Variants in HORMAD2 observed in about 807,000 individuals in gnomAD.
HORMAD2 encodes HORMA domain-containing protein 2.
A neutral mutation model predicts 38.8 loss-of-function variants in HORMAD2; 45 were observed. The observed-to-expected ratio is 1.16, with a 90% CI of 0.91 to 1.49. The LOEUF (loss-of-function observed/expected upper bound fraction) is 1.49, where lower values mean the gene tolerates loss of function less well. Ranked by LOEUF, HORMAD2 falls within the 40% of genes most tolerant of loss-of-function variation. The pLI, the probability that HORMAD2 is intolerant of heterozygous loss-of-function variation, is 0.00. For missense variants in HORMAD2, 338 were observed against 367.0 expected, an observed-to-expected ratio of 0.92 and a Z score of 0.65; for synonymous variants, 126 against 122.8, an observed-to-expected ratio of 1.03 and a Z score of -0.17.
the HORMAD2 span, among the ~76,000 whole-genome samples, chr22:30,201,519 G>A: frequency 1.2e-4 from 17 of 147,156 alleles, no homozygotes; most frequent in Middle Eastern, 3.5e-3. Flanking sequence ...CGGGGTTCAC[G>A]CCATTCTCCT....
intron 10 of HORMAD2, among the ~76,000 whole-genome samples, chr22:30,160,480 A>G (rs564952216): frequency 3.9e-5 from 6 of 152,168 alleles, no homozygotes; most frequent in African/African-American, 1.4e-4. Context: ...GAAGAGGGTG[A>G]TATCATGAAT....
chr22:30,191,863 C>G, the HORMAD2 span, among the ~76,000 whole-genome samples: 1 of 151,966 alleles, frequency 6.6e-6, no homozygotes, highest in Admixed American at 6.6e-5. Context: ...GATTAATCAT[C>G]TGTCCATACC....
At chr22:30,120,177 G>A (rs1168860951) in intron 8 of HORMAD2, among the ~76,000 whole-genome samples, 1 of 152,154 alleles carries the variant, frequency 6.6e-6, no homozygotes, top group Non-Finnish European at 1.5e-5. Context: ...AGAAGGTGAT[G>A]CATATTATTA....
the HORMAD2 span, among the ~76,000 whole-genome samples, chr22:30,184,393 G>A: frequency 6.6e-6 from 1 of 152,154 alleles, no homozygotes; most frequent in East Asian, 1.9e-4. Flanking sequence ...AGACAGAACA[G>A]TGAAAATGCT....
chr22:30,144,695 G>A (rs1231824283), intron 10 of HORMAD2, among the ~76,000 whole-genome samples: 2 of 151,518 alleles, frequency 1.3e-5, no homozygotes, highest in Non-Finnish European at 2.9e-5. Context: ...GACCTTACAA[G>A]CCAGGGCAAG....
intron 3 of HORMAD2, 72 bp downstream of exon 3, chr22:30,099,065 C>A: frequency 7.4e-7 from 1 of 1,351,358 alleles, no homozygotes; most frequent in Non-Finnish European, 1.0e-6. Flanking sequence ...AAACCTTTCA[C>A]GTCTCACAAA....
At chr22:30,117,603 G>A (rs1238151077) in intron 7 of HORMAD2, among the ~76,000 whole-genome samples, 1 of 152,022 alleles carries the variant, frequency 6.6e-6, no homozygotes. Context: ...CTGCTTCCTG[G>A]GTTCAAGCGA....
At chr22:30,126,013 C>T (rs1157890294) in intron 10 of HORMAD2, among the ~76,000 whole-genome samples, 1 of 152,172 alleles carries the variant, frequency 6.6e-6, no homozygotes, top group Non-Finnish European at 1.5e-5. Context: ...GAAATCAGCA[C>T]TCAGATCAAG....
intron 1 of HORMAD2, among the ~76,000 whole-genome samples, chr22:30,084,807 A>G (rs988682173): frequency 6.6e-6 from 1 of 152,038 alleles, no homozygotes; most frequent in Non-Finnish European, 1.5e-5. Context: ...ATATTTATTG[A>G]GTACCTATTT....
At chr22:30,175,316 AAT>A (rs373604513) in intron 10 of HORMAD2, among the ~76,000 whole-genome samples, 7,853 of 127,482 alleles carry the variant, frequency 0.062, 451 homozygotes, top group Middle Eastern at 0.093. Context: ...TATATAATAT[AAT>A]ATATATATAT....
intron 10 of HORMAD2, among the ~76,000 whole-genome samples, chr22:30,127,331 C>T (rs558588110): frequency 2.5e-4 from 38 of 151,226 alleles, no homozygotes; most frequent in African/African-American, 8.7e-4. Context: ...GCCTCAGCCT[C>T]CTGAGTAGCT....
downstream of HORMAD2, among the ~76,000 whole-genome samples, chr22:30,177,929 C>T (rs1448713023): frequency 6.6e-6 from 1 of 151,874 alleles, no homozygotes; most frequent in Non-Finnish European, 1.5e-5. Flanking sequence ...ATCCAGCCAC[C>T]TCAGCCTCCC....
chr22:30,088,407 A>T (rs990702221), intron 1 of HORMAD2, among the ~76,000 whole-genome samples: 10 of 151,514 alleles, frequency 6.6e-5, no homozygotes, highest in Admixed American at 6.6e-4. Flanking sequence ...CTCAATAGCA[A>T]GTGTCCTGAA....
At chr22:30,126,524 A>G (rs1342876358) in intron 10 of HORMAD2, among the ~76,000 whole-genome samples, 1 of 152,136 alleles carries the variant, frequency 6.6e-6, no homozygotes, top group Non-Finnish European at 1.5e-5. Context: ...ATATTTTTAC[A>G]TGTTGTTGTA....
At chr22:30,190,530 C>T in the HORMAD2 span, among the ~76,000 whole-genome samples, 35 of 152,346 alleles carry the variant, frequency 2.3e-4, 1 homozygote, top group South Asian at 7.0e-3. Context: ...CTCGGCCAAA[C>T]CCCTGCTAAG....
intron 3 of HORMAD2, 117 bp from the exon 4 acceptor site, chr22:30,103,320 A>T: frequency 1.5e-6 from 1 of 658,836 alleles, no homozygotes; most frequent in Non-Finnish European, 2.7e-6. Context: ...TATAAGCTAT[A>T]AAACTAAATA....
At chr22:30,175,266 A>AATATATATAATATAATATAGAATATAT (rs1926370489) in intron 10 of HORMAD2, among the ~76,000 whole-genome samples, 3 of 102,054 alleles carry the variant, frequency 2.9e-5, no homozygotes, top group Admixed American at 9.1e-5. Flanking sequence ...GAATATATAT[A>AATATATATAATATAATATAGAATATAT]ATAATATATA....
intron 6 of HORMAD2, 100 bp downstream of exon 6, chr22:30,111,916 T>C: frequency 2.4e-6 from 1 of 412,806 alleles, no homozygotes; most frequent in Non-Finnish European, 4.0e-6. Flanking sequence ...CCTCCCTGAC[T>C]TTTTTTTTTT....
the HORMAD2 span, among the ~76,000 whole-genome samples, chr22:30,196,208 G>A: frequency 6.6e-6 from 1 of 152,202 alleles, no homozygotes; most frequent in Non-Finnish European, 1.5e-5. Context: ...GGCAGCCGAT[G>A]GAATCAGGTT....
Sources: allele counts gnomAD v4.1 joint callset (sites outside exome capture counted in the v4.1 genomes callset), GRCh38; gene constraint gnomAD v4.1.1; transcripts MANE v1.5; gene names NCBI Gene and HGNC (gene_info 2026-07-23, HGNC 2026-07-21).